The following UBE3C variants were observed in gnomAD, a reference collection of about 807,000 sequenced individuals.
The protein encoded by UBE3C is ubiquitin-protein ligase E3C.
UBE3C carries 42 observed loss-of-function variants against 129.4 expected under a neutral mutation model. That is an observed-to-expected ratio of 0.32 (90% CI 0.25 to 0.42). The LOEUF (loss-of-function observed/expected upper bound fraction) is 0.42. Ranked by LOEUF, UBE3C falls within the 10% of genes least tolerant of loss-of-function variation. UBE3C has a pLI of 1.00. For synonymous variants in UBE3C, 510 were observed against 492.4 expected, an observed-to-expected ratio of 1.04 and a Z score of -0.47; for missense variants, 1,049 against 1,319.1, an observed-to-expected ratio of 0.80 and a Z score of 3.17.
At chr7:157,192,750 G>A in intron 10 of UBE3C, 2 of 1,061,510 alleles carry the variant, frequency 1.9e-6, no homozygotes, top group African/African-American at 1.5e-5. Context: ...TGGTGCTGGA[G>A]TGTTTATGGC....
At chr7:157,229,095 A>T (rs1040740397) in intron 17 of UBE3C, among the ~76,000 whole-genome samples, 1 of 152,174 alleles carries the variant, frequency 6.6e-6, no homozygotes, top group Non-Finnish European at 1.5e-5. Flanking sequence ...TCGAATGTAC[A>T]CTACGTGCGG....
Position 157,231,145 on chromosome 7 carries a change from A to G in UBE3C, c.2299A>G (p.Ile767Val). ...TGCCCATGGCCTGGATGAAGCTGGCATTGATGGTGGTGGTATTTTCAGAGA... is the reference window on the plus strand; with the variant it reads ...TGCCCATGGCCTGGATGAAGCTGGCGTTGATGGTGGTGGTATTTTCAGAGA... Reference protein sequence around the residue: ...LNAHGLDEAGIDGGGIFREFL... With the variant: ...LNAHGLDEAGVDGGGIFREFL... Residue 767 changes from isoleucine to valine, a missense_variant, in exon 18 of 23, where the codon ATT (isoleucine) becomes GTT (valine). Around this residue, in one of 4 missense-constraint regions of UBE3C, gnomAD observed 314 missense variants for 416.9 expected, o/e 0.75. Coordinates refer to ENST00000348165, the MANE Select transcript of UBE3C (RefSeq NM_014671.3). The G allele has an allele frequency of 3.7e-6, 6 of 1,614,066 alleles. No homozygotes were observed. Among genetic ancestry groups the G allele is most frequent in the East Asian group, 2.2e-5 (1 of 44,876 alleles).
In UBE3C at chr7:157,157,203, T is replaced by C. The variant is rs545518203; in HGVS notation, c.67-6607T>C. Among the ~76,000 whole-genome samples the C allele has an allele frequency of 3.4e-4, 52 of 152,282 alleles. No homozygotes were observed. The South Asian group carries it at 3.9e-3, about 12-fold the overall frequency. ...AAAAAATTCAATATACAGAAATCCA[T>C]GCTAGTGATGTGGACGGTAATAGTC... On this transcript the variant is annotated intron_variant, in intron 1 of 22. Transcript: ENST00000348165.
At position 157,174,914 on chromosome 7, in the gene UBE3C, T is replaced by C; in HGVS notation, c.343-5T>C. 1 of 1,584,374 alleles carries C rather than the reference T, an allele frequency of 6.3e-7. No individual in the cohort carries two copies. Among genetic ancestry groups the C allele is most frequent in the Middle Eastern group, 1.7e-4 (1 of 5,878 alleles). ...AGTTGTATATTTTATGTTTTGCTGTTTCAGATATGGCTGTATCAGAACTTA... is the reference window on the plus strand; with the variant it reads ...AGTTGTATATTTTATGTTTTGCTGTCTCAGATATGGCTGTATCAGAACTTA... On this transcript the variant is annotated splice_region_variant and splice_polypyrimidine_tract_variant and intron_variant, in intron 4 of 22. Coordinates refer to ENST00000348165, the MANE Select transcript of UBE3C (RefSeq NM_014671.3).
intron 22 of UBE3C, among the ~76,000 whole-genome samples, chr7:157,259,434 TCA>T (rs1563078444): frequency 6.6e-6 from 1 of 152,232 alleles, no homozygotes; most frequent in South Asian, 2.1e-4. Flanking sequence ...CAACATATTT[TCA>T]CACAGTGTGT....
At chr7:157,159,950 G>A (rs938317290) in intron 1 of UBE3C, among the ~76,000 whole-genome samples, 1 of 152,106 alleles carries the variant, frequency 6.6e-6, no homozygotes, top group African/African-American at 2.4e-5. Flanking sequence ...ACTAAGCAGC[G>A]TAGCGTCTCG....
At chr7:157,217,193 T>A in intron 14 of UBE3C, 1 of 386,440 alleles carries the variant, frequency 2.6e-6, no homozygotes, top group Non-Finnish European at 4.6e-6. Flanking sequence ...ATCCTCAATT[T>A]TCCTTTTTAA....
At chr7:157,201,656 TTTAAGAAATG>T in intron 10 of UBE3C, 55 bp from the exon 11 acceptor site, 1 of 691,574 alleles carries the variant, frequency 1.4e-6, no homozygotes, top group Non-Finnish European at 2.1e-6. Flanking sequence ...TTTTTTTTTT[TTTAAGAAATG>T]TTTTGAATAA....
intron 6 of UBE3C, among the ~76,000 whole-genome samples, chr7:157,179,685 C>A (rs1019762935): frequency 4.6e-5 from 7 of 152,162 alleles, no homozygotes; most frequent in Admixed American, 2.6e-4. Flanking sequence ...GCCGTGGCTG[C>A]AGACAGAATT....
intron 19 of UBE3C, among the ~76,000 whole-genome samples, chr7:157,248,939 C>T (rs1445643038): frequency 6.6e-6 from 1 of 152,208 alleles, no homozygotes; most frequent in Non-Finnish European, 1.5e-5. Context: ...TCCTTGCCCG[C>T]TCAGAGCCAC....
At chr7:157,175,122 A>C in intron 5 of UBE3C, 88 bp downstream of exon 5, 1 of 618,886 alleles carries the variant, frequency 1.6e-6, no homozygotes, top group Non-Finnish European at 2.3e-6. Flanking sequence ...TTTCAGAGAC[A>C]GTGGCTTTTC....
intron 10 of UBE3C, among the ~76,000 whole-genome samples, chr7:157,199,771 A>G (rs1809229200): frequency 6.6e-6 from 1 of 152,140 alleles, no homozygotes; most frequent in African/African-American, 2.4e-5. Flanking sequence ...AGGTCCAGCC[A>G]TATTTCAGAG....
At position 157,139,280 on chromosome 7, in the gene UBE3C, G is replaced by C. The variant is rs1226404776; in HGVS notation, c.8G>C (p.Ser3Thr). The change falls in exon 1 of 23, where the codon AGC becomes ACC. Residue 3 changes from serine to threonine, a missense_variant. Transcript: ENST00000348165. Reference protein sequence around the residue: MFSFEGDFKTRPK... With the variant: MFTFEGDFKTRPK... ...ATGGGCTAGGCTGCCAGGATGTTCA[G>C]CTTCGAAGGCGACTTCAAGACGCGG... 1.3e-6 allele frequency: 2 copies of C among 1,580,660 alleles called. No homozygotes were observed. Among genetic ancestry groups the C allele is most frequent in the South Asian group, 1.1e-5 (1 of 88,232 alleles).
chr7:157,227,349 C>G (rs1043594300), intron 17 of UBE3C, among the ~76,000 whole-genome samples: 36 of 152,086 alleles, frequency 2.4e-4, no homozygotes, highest in Non-Finnish European at 5.0e-4. Context: ...GCTGTAAGCT[C>G]TTCAGCCAGA....
intron 4 of UBE3C, among the ~76,000 whole-genome samples, chr7:157,170,752 C>T (rs765011743): frequency 2.7e-4 from 41 of 152,200 alleles, no homozygotes; most frequent in Admixed American, 1.8e-3. Context: ...ACAGCCTTAG[C>T]AGTTGCCAGC....
Position 157,268,643 on chromosome 7 carries a change from C to T in UBE3C, c.*888C>T, listed in dbSNP as rs1797142945. 1 of 152,736 alleles carries T rather than the reference C, an allele frequency of 6.5e-6. No individual in the cohort carries two copies. Among genetic ancestry groups the T allele is most frequent in the Non-Finnish European group, 1.5e-5 (1 of 68,084 alleles). The allele number at this position is 152,736 out of a possible 1,614,324, so 9.5% of individuals were successfully genotyped here. ...GCCGGTCTCCCATCATCCGCTCGCC[C>T]TCCTTTCCCCTGGGCTGCGCCCACT... On this transcript the variant is annotated 3_prime_UTR_variant, in exon 23 of 23. Coordinates refer to ENST00000348165, the MANE Select transcript of UBE3C (RefSeq NM_014671.3).
chr7:157,146,687 T>A (rs971924163), intron 1 of UBE3C, among the ~76,000 whole-genome samples: 1 of 149,094 alleles, frequency 6.7e-6, no homozygotes, highest in African/African-American at 2.5e-5. Context: ...AGAGGGAGCC[T>A]CCTGTTGCCC....
intron 18 of UBE3C, among the ~76,000 whole-genome samples, chr7:157,244,002 C>T (rs539486009): frequency 1.1e-4 from 17 of 152,184 alleles, no homozygotes; most frequent in East Asian, 1.9e-4. Context: ...GAGGCCGAGG[C>T]GGGTGATCAC....
chr7:157,238,242 C>T (rs948865014), intron 18 of UBE3C, among the ~76,000 whole-genome samples: 1 of 152,128 alleles, frequency 6.6e-6, no homozygotes, highest in Non-Finnish European at 1.5e-5. Context: ...AGGTCACGCT[C>T]TGGAGTAAGA....
Sources: allele counts gnomAD v4.1 joint callset (sites outside exome capture counted in the v4.1 genomes callset), GRCh38; gene constraint gnomAD v4.1.1; regional missense constraint gnomAD v4.1.1; transcripts MANE v1.5; gene names NCBI Gene and HGNC (gene_info 2026-07-23, HGNC 2026-07-21).